The following CDX1 variants were observed in gnomAD, a reference collection of about 807,000 sequenced individuals.
CDX1 encodes homeobox protein CDX-1.
A neutral mutation model predicts 16.9 loss-of-function variants in CDX1; 9 were observed. The ratio of observed to expected loss-of-function variants is 0.53; its 90% CI spans 0.32 to 0.93. The LOEUF is 0.93. Ranked by LOEUF, CDX1 falls within the 40% of genes least tolerant of loss-of-function variation. CDX1 has a pLI of 0.04. For missense variants in CDX1, 393 were observed against 386.1 expected (o/e 1.02, Z -0.15); for synonymous variants, 179 against 179.0 (o/e 1.00, Z 0.00).
In CDX1 at chr5:150,166,885, G is replaced by A; in HGVS notation, c.9G>A (p.Val3=). MY[V]GYVLDKDSPV... ...GGGACCCCGCGGCCACCATGTATGTGGGCTATGTGCTGGACAAGGATTCGC... is the reference window on the plus strand; with the variant it reads ...GGGACCCCGCGGCCACCATGTATGTAGGCTATGTGCTGGACAAGGATTCGC... The change falls in exon 1 of 3, where the codon GTG becomes GTA. Residue 3 remains valine, a synonymous_variant. Transcript: ENST00000231656. 1 of 1,509,932 alleles carries A rather than the reference G, an allele frequency of 6.6e-7. No homozygotes were observed. Among genetic ancestry groups the A allele is most frequent in the Non-Finnish European group, 8.8e-7 (1 of 1,134,770 alleles). The allele number at this position is 1,509,932 out of a possible 1,614,324, so 93.5% of individuals were successfully genotyped here. A position where few individuals can be genotyped will look rare whatever the true frequency, so the allele number is the denominator to read the frequency against.
intron 1 of CDX1, 65 bp from the exon 2 acceptor site, chr5:150,182,703 C>G: frequency 1.4e-6 from 2 of 1,477,412 alleles, no homozygotes; most frequent in Non-Finnish European, 1.8e-6. Flanking sequence ...GGGGTCCTGC[C>G]TGGGCCTTTT....
At chr5:150,174,677 T>C (rs1761546018) in intron 1 of CDX1, among the ~76,000 whole-genome samples, 1 of 152,146 alleles carries the variant, frequency 6.6e-6, no homozygotes, top group South Asian at 2.1e-4. Flanking sequence ...CTAGTTGCTG[T>C]CATATTGGAC....
At chr5:150,171,372 G>A (rs1009979446) in intron 1 of CDX1, among the ~76,000 whole-genome samples, 1 of 152,048 alleles carries the variant, frequency 6.6e-6, no homozygotes, top group Non-Finnish European at 1.5e-5. Flanking sequence ...ATCTTGCTAT[G>A]TCACCCACGC....
intron 1 of CDX1, among the ~76,000 whole-genome samples, chr5:150,170,631 T>C (rs1250161873): frequency 1.3e-5 from 2 of 152,142 alleles, no homozygotes; most frequent in African/African-American, 4.8e-5. Flanking sequence ...CCTGGCTGCC[T>C]CTGTCTCTCC....
At position 150,168,708 on chromosome 5, in the gene CDX1, G is replaced by A. The variant is rs535152391; in HGVS notation, c.445+1387G>A. 2.9e-3 allele frequency among the ~76,000 whole-genome samples: 441 copies of A among 152,328 alleles called. 1 individual carries two copies. Among genetic ancestry groups the A allele is most frequent in the African/African-American group, 9.9e-3 (410 of 41,566 alleles). ...CTAGTGGGGCTGGGATTTGAACCCA[G>A]GTGGACTAACCACTAAGTCTGTGCT... On this transcript the variant is annotated intron_variant, in intron 1 of 2. Transcript: ENST00000231656.
chr5:150,176,995 T>G (rs717746), intron 1 of CDX1, among the ~76,000 whole-genome samples: 79,574 of 152,152 alleles, frequency 0.52, 22,371 homozygotes, highest in African/African-American at 0.74. Context: ...GTCCAGGCCT[T>G]GGGGGGCCAA....
chr5:150,172,947 G>T (rs914314759), intron 1 of CDX1, among the ~76,000 whole-genome samples: 1 of 152,156 alleles, frequency 6.6e-6, no homozygotes, highest in South Asian at 2.1e-4. Flanking sequence ...AGGTTTTTGT[G>T]TTGGAGCTCC....
At chr5:150,168,214 G>A (rs2113947092) in intron 1 of CDX1, among the ~76,000 whole-genome samples, 1 of 152,334 alleles carries the variant, frequency 6.6e-6, no homozygotes, top group African/African-American at 2.4e-5. Context: ...CTTGGGGGCG[G>A]GAAGCTGGCC....
At chr5:150,170,889 A>T (rs1158304896) in intron 1 of CDX1, among the ~76,000 whole-genome samples, 1 of 151,918 alleles carries the variant, frequency 6.6e-6, no homozygotes, top group East Asian at 1.9e-4. Flanking sequence ...TTGCATTTTC[A>T]TGAGGAGGGT....
chr5:150,181,149 C>T, intron 1 of CDX1, among the ~76,000 whole-genome samples: 1 of 152,242 alleles, frequency 6.6e-6, no homozygotes, highest in East Asian at 1.9e-4. Context: ...CCACCAGCTT[C>T]CTCACAGCTC....
In CDX1 at chr5:150,183,631, T is replaced by C. The variant is rs1262351657; in HGVS notation, c.749T>C (p.Leu250Pro). 1.2e-6 allele frequency: 2 copies of C among 1,607,882 alleles called. No homozygotes were observed. The highest frequency in any genetic ancestry group is 1.1e-5 in the South Asian group (1 of 90,460). Reference sequence around the variant, plus strand: ...GGCCTGTGTCCCAGCAACACCAGCCTCCTGGCCACCTCCTCTCCAATGCCT... The same window carrying C: ...GGCCTGTGTCCCAGCAACACCAGCCCCCTGGCCACCTCCTCTCCAATGCCT... ...LGGLCPSNTS[L>P]LATSSPMPVK... The change falls in exon 3 of 3, where the codon CTC (leucine) becomes CCC (proline). Residue 250 changes from leucine (L) to proline (P), a missense_variant. Transcript: ENST00000231656.
intron 1 of CDX1, among the ~76,000 whole-genome samples, 180 bp from the exon 2 acceptor site, chr5:150,182,588 C>G (rs56221990): frequency 6.6e-6 from 1 of 152,214 alleles, no homozygotes; most frequent in African/African-American, 2.4e-5. Context: ...GACTGTGAGT[C>G]TGTGGGTCTG....
chr5:150,171,549 G>A (rs1761506243), intron 1 of CDX1, among the ~76,000 whole-genome samples: 1 of 152,212 alleles, frequency 6.6e-6, no homozygotes, highest in Non-Finnish European at 1.5e-5. Flanking sequence ...TGTTAGCCAG[G>A]ATGGTCTCGA....
intron 1 of CDX1, among the ~76,000 whole-genome samples, chr5:150,168,040 G>A (rs1216305505): frequency 6.6e-6 from 1 of 152,162 alleles, no homozygotes; most frequent in Non-Finnish European, 1.5e-5. Context: ...CAGGACAAAG[G>A]GCCCAACTTT....
chr5:150,168,835 G>T (rs921713818), intron 1 of CDX1, among the ~76,000 whole-genome samples: 9 of 152,204 alleles, frequency 5.9e-5, no homozygotes, highest in Non-Finnish European at 8.8e-5. Flanking sequence ...GCAGTGGTTT[G>T]TACCCTTGTT....
intron 1 of CDX1, 135 bp downstream of exon 1, chr5:150,167,456 T>TG (rs1475333317): frequency 6.0e-5 from 31 of 513,318 alleles, no homozygotes; most frequent in Admixed American, 8.9e-5. Flanking sequence ...ACTCTCGCCC[T>TG]GGGGGGCTGC....
At chr5:150,176,164 C>A (rs1027169871) in intron 1 of CDX1, among the ~76,000 whole-genome samples, 1 of 152,200 alleles carries the variant, frequency 6.6e-6, no homozygotes, top group Non-Finnish European at 1.5e-5. Flanking sequence ...GAAGTGCCAC[C>A]ACCTCTGAGC....
At chr5:150,175,586 A>G (rs1471205718) in intron 1 of CDX1, among the ~76,000 whole-genome samples, 1 of 152,112 alleles carries the variant, frequency 6.6e-6, no homozygotes, top group Non-Finnish European at 1.5e-5. Flanking sequence ...TGAGTGAGGA[A>G]CCATGATATT....
At position 150,167,104 on chromosome 5, in the gene CDX1, C is replaced by T. The variant is rs1297972858; in HGVS notation, c.228C>T (p.Tyr76=). The T allele has an allele frequency of 6.6e-5, 90 of 1,353,840 alleles. No individual in the cohort carries two copies. The highest frequency in any genetic ancestry group is 1.9e-5 in the Non-Finnish European group (20 of 1,061,240). The allele number at this position is 1,353,840 out of a possible 1,614,324, so 83.9% of individuals were successfully genotyped here. A position where few individuals can be genotyped will look rare whatever the true frequency, so the allele number is the denominator to read the frequency against. Residue 76 remains tyrosine (Y), a synonymous_variant, in exon 1 of 3, where the codon TAC becomes TAT. Coordinates refer to ENST00000231656, the MANE Select transcript of CDX1 (RefSeq NM_001804.3). ...PAPKDDWAAA[Y]GPGPAAPAAS... is the part of the protein sequence containing the mutation. ...CCAAGGACGACTGGGCCGCCGCCTA[C>T]GGCCCGGGCCCCGCGGCCCCTGCCG... is the stretch of plus-strand genomic sequence containing the variant.
Sources: gnomAD v4.1 joint callset for allele counts (sites outside exome capture counted in the v4.1 genomes callset) on GRCh38, gnomAD v4.1.1 for gene constraint, MANE v1.5 for transcripts, NCBI Gene and HGNC (gene_info 2026-07-23, HGNC 2026-07-21) for gene names.